Variants in RNF10 observed in about 807,000 individuals in gnomAD.
RNF10 encodes ring finger protein 10, also known as E3 ubiquitin-protein ligase RNF10.
In RNF10, 38 loss-of-function variants were observed where a neutral mutation model predicts 91.4. The ratio of observed to expected loss-of-function variants is 0.42; its 90% confidence interval spans 0.32 to 0.54. The LOEUF (loss-of-function observed/expected upper bound fraction) is 0.54. Ranked by LOEUF, RNF10 falls within the 20% of genes least tolerant of loss-of-function variation. RNF10 has a pLI of 0.16. For synonymous variants in RNF10, 364 were observed against 366.3 expected, an observed-to-expected ratio of 0.99 and a Z score of 0.07; for missense variants, 945 against 1,012.0, an observed-to-expected ratio of 0.93 and a Z score of 0.90.
chr12:120,563,206 CT>C, intron 8 of RNF10, 136 bp downstream of exon 8: 1 of 1,487,608 alleles, frequency 6.7e-7, no homozygotes, highest in Non-Finnish European at 9.3e-7. Flanking sequence ...GTTATTAGTT[CT>C]TTCCCCAGGG....
At chr12:120,545,149 ATAT>A (rs1200280051) in intron 1 of RNF10, among the ~76,000 whole-genome samples, 37 of 152,266 alleles carry the variant, frequency 2.4e-4, no homozygotes, top group Non-Finnish European at 1.5e-5. Context: ...AATTGAACAC[ATAT>A]TATAATTGAA....
rs774538765 is a variant in RNF10, at chr12:120,555,851, C to T, written c.645+1043C>T. Among the ~76,000 whole-genome samples, 8 of 150,528 alleles carry T rather than the reference C, an allele frequency of 5.3e-5. No homozygotes were observed. In the East Asian group the frequency reaches 5.9e-4, roughly 11 times the overall value. On this transcript the variant is annotated intron_variant, in intron 4 of 16. Coordinates refer to ENST00000325954, the MANE Select transcript of RNF10 (RefSeq NM_014868.5). ...TCGCCCCAGCTGGAGTGCAGTGGCGCGATGTTGGCTCACTGTAACCTCCAC... is the reference window on the plus strand; with the variant it reads ...TCGCCCCAGCTGGAGTGCAGTGGCGTGATGTTGGCTCACTGTAACCTCCAC...
At chr12:120,542,918 C>T (rs1871785156) in intron 1 of RNF10, among the ~76,000 whole-genome samples, 2 of 152,156 alleles carry the variant, frequency 1.3e-5, no homozygotes, top group African/African-American at 4.8e-5. Flanking sequence ...AGGAGTGAAC[C>T]TAGCCTGTTT....
intron 10 of RNF10, 114 bp from the exon 11 acceptor site, chr12:120,564,958 T>C (rs1274316967): frequency 1.4e-6 from 1 of 722,020 alleles, no homozygotes; most frequent in Non-Finnish European, 2.5e-6. Flanking sequence ...CACTACTGTT[T>C]CCAGCCCCAG....
intron 2 of RNF10, among the ~76,000 whole-genome samples, chr12:120,550,642 G>C (rs1452366794): frequency 6.6e-6 from 1 of 151,858 alleles, no homozygotes; most frequent in Non-Finnish European, 1.5e-5. Context: ...TGTCGTCCAG[G>C]CTAGAGTGCA....
At chr12:120,574,021 G>T (rs2137272902) in intron 14 of RNF10, among the ~76,000 whole-genome samples, 1 of 152,260 alleles carries the variant, frequency 6.6e-6, no homozygotes, top group South Asian at 2.1e-4. Context: ...TGTTCATGAG[G>T]GGTCCACCCC....
At chr12:120,540,295 G>A (rs1871365042) in intron 1 of RNF10, among the ~76,000 whole-genome samples, 1 of 151,996 alleles carries the variant, frequency 6.6e-6, no homozygotes, top group East Asian at 1.9e-4. Context: ...GATTGAACCC[G>A]TGGGTCCTGG....
chr12:120,549,833 A>C (rs533062061), intron 2 of RNF10, among the ~76,000 whole-genome samples: 1 of 152,276 alleles, frequency 6.6e-6, no homozygotes, highest in South Asian at 2.1e-4. Context: ...TTAAAAAAGG[A>C]AGTGGGCAGT....
At chr12:120,575,995 A>C (rs1234627361) in intron 16 of RNF10, 45 bp downstream of exon 16, 1 of 1,596,324 alleles carries the variant, frequency 6.3e-7, no homozygotes, top group East Asian at 2.2e-5. Flanking sequence ...AACATACTAC[A>C]CATGTACTGC....
intron 11 of RNF10, 73 bp from the exon 12 acceptor site, chr12:120,565,355 G>C: frequency 1.4e-6 from 2 of 1,422,454 alleles, no homozygotes; most frequent in Non-Finnish European, 2.0e-6. Context: ...TGTGGGTTTA[G>C]CTGCTAATAC....
intron 1 of RNF10, among the ~76,000 whole-genome samples, chr12:120,544,471 A>G (rs912778305): frequency 2.6e-5 from 4 of 152,198 alleles, no homozygotes; most frequent in African/African-American, 7.2e-5. Context: ...AGCCTGGGCA[A>G]CAAAGGCAAA....
In RNF10 at chr12:120,534,744, C is replaced by G. The variant is rs984485505; in HGVS notation, c.-68C>G. The G allele has an allele frequency of 1.4e-6, 2 of 1,465,874 alleles. No homozygotes were observed. The highest frequency in any genetic ancestry group is 2.9e-5 in the Admixed American group (1 of 34,672). The allele number at this position is 1,465,874 out of a possible 1,614,324, so 90.8% of individuals were successfully genotyped here. Reference sequence around the variant, plus strand: ...GCCGCCGACCCCCGCCGGCCCTGAACGCCATGAGCCTGGGTCCCCGCCGCG... The same window carrying G: ...GCCGCCGACCCCCGCCGGCCCTGAAGGCCATGAGCCTGGGTCCCCGCCGCG... On this transcript the variant is annotated 5_prime_UTR_variant, in exon 1 of 17. Coordinates refer to ENST00000325954, the MANE Select transcript of RNF10 (RefSeq NM_014868.5).
chr12:120,539,048 G>A (rs1871207151), intron 1 of RNF10, among the ~76,000 whole-genome samples: 1 of 152,156 alleles, frequency 6.6e-6, no homozygotes. Flanking sequence ...GGGTGCTCTT[G>A]ACAGGAACGC....
In RNF10 at chr12:120,552,397, C is replaced by T. The variant is rs1459201450; in HGVS notation, c.355-102C>T. On this transcript the variant is annotated intron_variant, in intron 2 of 16. Coordinates refer to ENST00000325954, the MANE Select transcript of RNF10 (RefSeq NM_014868.5). Reference sequence around the variant, plus strand: ...CCTGGATGACAGAGTAAGACTCCGTCTCAAAAAAAAAAGCTGTGTAAAAGG... The same window carrying T: ...CCTGGATGACAGAGTAAGACTCCGTTTCAAAAAAAAAAGCTGTGTAAAAGG... 3 of 955,946 alleles carry T rather than the reference C, an allele frequency of 3.1e-6. No homozygotes were observed. In the Admixed American group the frequency reaches 7.7e-5, roughly 25 times the overall value. The allele number at this position is 955,946 out of a possible 1,614,324, so 59.2% of individuals were successfully genotyped here.
intron 11 of RNF10, 70 bp from the exon 12 acceptor site, chr12:120,565,357 TG>T: frequency 1.4e-6 from 2 of 1,434,590 alleles, no homozygotes; most frequent in Non-Finnish European, 2.0e-6. Context: ...TGGGTTTAGC[TG>T]CTAATACTGG....
intron 14 of RNF10, among the ~76,000 whole-genome samples, chr12:120,573,658 G>A (rs1283727469): frequency 6.6e-6 from 1 of 152,072 alleles, no homozygotes; most frequent in African/African-American, 2.4e-5. Flanking sequence ...GAGTGCCTCA[G>A]GCTGCTTCCA....
At chr12:120,539,447 T>A (rs768442752) in intron 1 of RNF10, 209 of 1,286,720 alleles carry the variant, frequency 1.6e-4, no homozygotes, top group Middle Eastern at 6.4e-4. Flanking sequence ...TGGAGGTGCT[T>A]GTCAACTACT....
At chr12:120,536,882 T>C (rs1184308582) in intron 1 of RNF10, among the ~76,000 whole-genome samples, 1 of 152,194 alleles carries the variant, frequency 6.6e-6, no homozygotes, top group African/African-American at 2.4e-5. Flanking sequence ...TAGCAGTAGG[T>C]GAAAGCTTGT....
chr12:120,553,547 G>A (rs1222463024), intron 3 of RNF10, among the ~76,000 whole-genome samples: 13 of 151,832 alleles, frequency 8.6e-5, no homozygotes, highest in African/African-American at 2.9e-4. Context: ...TGGGACTACA[G>A]GCGCCCACCC....
Sources: allele counts gnomAD v4.1 joint callset (sites outside exome capture counted in the v4.1 genomes callset), GRCh38; gene constraint gnomAD v4.1.1; transcripts MANE v1.5; gene names NCBI Gene and HGNC (gene_info 2026-07-23, HGNC 2026-07-21).